The following CAPN13 variants were observed in gnomAD, a reference collection of about 807,000 sequenced individuals.
CAPN13 encodes calpain-13.
Under a neutral mutation model 98.4 loss-of-function variants are expected in CAPN13, and 90 were observed. The ratio of observed to expected loss-of-function variants is 0.92; its 90% CI spans 0.77 to 1.09. CAPN13 has a LOEUF of 1.09. Among genes scored for constraint, CAPN13 ranks in the 50% least tolerant of loss-of-function variants. The probability of loss-of-function intolerance (pLI) is 0.00; values close to 1 mark genes in which losing one functional copy is unlikely to be tolerated. For synonymous variants in CAPN13, 330 were observed against 305.5 expected, an observed-to-expected ratio of 1.08 and a Z score of -0.84; for missense variants, 887 against 841.3, an observed-to-expected ratio of 1.05 and a Z score of -0.67.
At chr2:30,789,748 T>C (rs1427679292) in intron 1 of CAPN13, among the ~76,000 whole-genome samples, 2 of 152,210 alleles carry the variant, frequency 1.3e-5, no homozygotes, top group African/African-American at 2.4e-5. Flanking sequence ...AAGCAGCCAA[T>C]ACATGGTGGT....
chr2:30,777,451 G>A lies in CAPN13; in HGVS notation c.271+116C>T, dbSNP rs559522614. The A allele has an allele frequency of 1.1e-4, 95 of 873,042 alleles. No homozygotes were observed. In the African/African-American group the frequency reaches 1.4e-3, roughly 13 times the overall value. The allele number at this position is 873,042 out of a possible 1,614,324, so 54.1% of individuals were successfully genotyped here. On this transcript the variant is annotated intron_variant, in intron 3 of 22. Coordinates refer to ENST00000295055, the MANE Select transcript of CAPN13 (RefSeq NM_144575.3). The stretch of plus-strand genomic sequence containing the variant: ...GACTGGGCGTGAGCAGTTTGTCCAC[G>A]GCAGCACCAAGGGAACTGGCCTTTC...
intron 22 of CAPN13, among the ~76,000 whole-genome samples, 171 bp downstream of exon 22, chr2:30,730,559 A>G (rs1377805066): frequency 6.6e-6 from 1 of 152,162 alleles, no homozygotes; most frequent in African/African-American, 2.4e-5. Flanking sequence ...AATCTGCAGC[A>G]TTGGCCTTGA....
chr2:30,802,463 ATG>A (rs60572949), intron 1 of CAPN13, among the ~76,000 whole-genome samples: 20,401 of 139,976 alleles, frequency 0.15, 1,467 homozygotes, highest in East Asian at 0.17. Flanking sequence ...GTGTGTGTGT[ATG>A]TGTGTGTGTG....
intron 8 of CAPN13, among the ~76,000 whole-genome samples, chr2:30,756,804 C>T (rs754970715): frequency 4.3e-4 from 65 of 152,302 alleles, no homozygotes; most frequent in Non-Finnish European, 7.5e-4. Context: ...GGTTCGGCTG[C>T]CCGATTCTCG....
At chr2:30,762,403 G>GT (rs1439572095) in intron 7 of CAPN13, among the ~76,000 whole-genome samples, 31 of 152,332 alleles carry the variant, frequency 2.0e-4, no homozygotes, top group East Asian at 1.7e-3. Flanking sequence ...GCTAGACAGT[G>GT]TATGTCCCAG....
chr2:30,751,041 T>A, intron 11 of CAPN13, 62 bp downstream of exon 11: 1 of 1,565,226 alleles, frequency 6.4e-7, no homozygotes, highest in Admixed American at 1.8e-5. Context: ...AGAGCTGTTC[T>A]CCCCAACTCA....
chr2:30,771,449 A>T (rs1673406979), intron 4 of CAPN13, among the ~76,000 whole-genome samples: 1 of 152,222 alleles, frequency 6.6e-6, no homozygotes, highest in Non-Finnish European at 1.5e-5. Flanking sequence ...TGAGACAGAT[A>T]TGTCAGTGGA....
At chr2:30,735,130 C>T (rs1424810375) in intron 18 of CAPN13, among the ~76,000 whole-genome samples, 1 of 152,214 alleles carries the variant, frequency 6.6e-6, no homozygotes. Flanking sequence ...GCAACCGGAA[C>T]ATATCACTTT....
At position 30,777,467 on chromosome 2, in the gene CAPN13, C is replaced by A. The variant is rs141470938; in HGVS notation, c.271+100G>T. On this transcript the variant is annotated intron_variant, in intron 3 of 22. Coordinates refer to ENST00000295055, the MANE Select transcript of CAPN13 (RefSeq NM_144575.3). ...TTTGTCCACGGCAGCACCAAGGGAACTGGCCTTTCTCCCTCAGAAGTGGGG... is the reference window on the plus strand; with the variant it reads ...TTTGTCCACGGCAGCACCAAGGGAAATGGCCTTTCTCCCTCAGAAGTGGGG... The A allele has an allele frequency of 4.8e-4, 497 of 1,035,334 alleles. 3 individuals are homozygous for A. The African/African-American group carries it at 7.1e-3, about 15-fold the overall frequency. 64.1% of individuals were successfully genotyped at this position (1,035,334 alleles called of 1,614,324 possible).
At chr2:30,724,485 T>C (rs574620479) in intron 22 of CAPN13, among the ~76,000 whole-genome samples, 160 of 152,370 alleles carry the variant, frequency 1.1e-3, no homozygotes, top group Admixed American at 4.9e-3. Flanking sequence ...GCGCTGGTCC[T>C]TGGACTTCCC....
chr2:30,753,016 T>C, intron 10 of CAPN13, 37 bp downstream of exon 10: 1 of 1,610,382 alleles, frequency 6.2e-7, no homozygotes, highest in Non-Finnish European at 8.5e-7. Context: ...GCAGCCAGCT[T>C]CCAGTTGGGC....
Position 30,753,323 on chromosome 2 carries a change from C to A in CAPN13, c.942-125G>T, listed in dbSNP as rs909252106. 9.8e-6 allele frequency: 9 copies of A among 922,106 alleles called. No homozygotes were observed. In the African/African-American group the frequency reaches 1.1e-4, roughly 12 times the overall value. The allele number at this position is 922,106 out of a possible 1,614,324, so 57.1% of individuals were successfully genotyped here. ...CCAGTGTCTGATCCTGGCTCATTCA[C>A]CATCAAGCACCCTTCTATCTTTTCA... On this transcript the variant is annotated intron_variant, in intron 9 of 22. Coordinates refer to ENST00000295055, the MANE Select transcript of CAPN13 (RefSeq NM_144575.3).
At chr2:30,742,920 C>G (rs989786503) in intron 13 of CAPN13, among the ~76,000 whole-genome samples, 2 of 152,258 alleles carry the variant, frequency 1.3e-5, no homozygotes, top group Middle Eastern at 3.4e-3. Flanking sequence ...GATATGCTGG[C>G]CAAATGCCAC....
At chr2:30,784,688 G>C (rs1674171099) in intron 2 of CAPN13, among the ~76,000 whole-genome samples, 1 of 152,204 alleles carries the variant, frequency 6.6e-6, no homozygotes, top group South Asian at 2.1e-4. Context: ...ATGGTGTTAG[G>C]AGCTCAGGTC....
At chr2:30,730,439 G>A (rs1671027249) in intron 22 of CAPN13, among the ~76,000 whole-genome samples, 1 of 152,184 alleles carries the variant, frequency 6.6e-6, no homozygotes, top group African/African-American at 2.4e-5. Flanking sequence ...TTCCCGTGAT[G>A]AGAGATACTT....
chr2:30,779,057 G>T (rs575753406), intron 2 of CAPN13, among the ~76,000 whole-genome samples: 1 of 152,204 alleles, frequency 6.6e-6, no homozygotes, highest in Non-Finnish European at 1.5e-5. Flanking sequence ...CTCAAAGGAG[G>T]CCTGCTGTCA....
intron 1 of CAPN13, among the ~76,000 whole-genome samples, chr2:30,793,749 G>A (rs893165517): frequency 7.2e-5 from 11 of 151,738 alleles, no homozygotes; most frequent in Admixed American, 1.3e-4. Flanking sequence ...AATGGAGAAG[G>A]GTAGAGAATC....
chr2:30,738,948 A>C lies in CAPN13; in HGVS notation c.1537-491T>G, dbSNP rs146862267. 1.1e-3 allele frequency among the ~76,000 whole-genome samples: 169 copies of C among 152,280 alleles called. 1 individual carries two copies. Among genetic ancestry groups the C allele is most frequent in the African/African-American group, 3.9e-3 (163 of 41,562 alleles). ...ATTAAAAATACCAGAAATGTGGGCT[A>C]AGAGAAACTGCTATCATTGAGCACA... On this transcript the variant is annotated intron_variant, in intron 15 of 22. Coordinates refer to ENST00000295055, the MANE Select transcript of CAPN13 (RefSeq NM_144575.3).
At chr2:30,750,228 C>T (rs545997) in intron 11 of CAPN13, among the ~76,000 whole-genome samples, 52,105 of 151,896 alleles carry the variant, frequency 0.34, 9,709 homozygotes, top group East Asian at 0.46. Context: ...TATCACAAGT[C>T]CTCACTTATA....
Sources: gnomAD v4.1 joint callset for allele counts (sites outside exome capture counted in the v4.1 genomes callset) on GRCh38, gnomAD v4.1.1 for gene constraint, MANE v1.5 for transcripts, NCBI Gene and HGNC (gene_info 2026-07-23, HGNC 2026-07-21) for gene names.